Variants in AGPAT3 observed in about 807,000 individuals in gnomAD.
The protein encoded by AGPAT3 is 1-acyl-sn-glycerol-3-phosphate acyltransferase gamma.
In AGPAT3, 5 loss-of-function variants were observed where a neutral mutation model predicts 47.3. The observed-to-expected ratio is 0.11, with a 90% CI of 0.06 to 0.22. The LOEUF (loss-of-function observed/expected upper bound fraction) is 0.22, where lower values mean the gene tolerates loss of function less well. Among genes scored for constraint, AGPAT3 ranks in the 10% least tolerant of loss-of-function variants. AGPAT3 has a pLI of 1.00. For missense variants in AGPAT3, 315 were observed against 493.0 expected, an observed-to-expected ratio of 0.64 and a Z score of 3.42; for synonymous variants, 212 against 208.3, an observed-to-expected ratio of 1.02 and a Z score of -0.15.
intron 2 of AGPAT3, among the ~76,000 whole-genome samples, chr21:43,921,248 CT>C (rs1213545845): frequency 1.3e-5 from 2 of 152,214 alleles, no homozygotes; most frequent in Non-Finnish European, 2.9e-5. Context: ...CTGGACACTC[CT>C]GTGCCCTGGA....
At chr21:43,921,545 A>C (rs955768199) in intron 2 of AGPAT3, among the ~76,000 whole-genome samples, 8 of 152,086 alleles carry the variant, frequency 5.3e-5, no homozygotes, top group Non-Finnish European at 8.8e-5. Flanking sequence ...CTGATGCCGA[A>C]ATCCCCACCC....
intron 2 of AGPAT3, among the ~76,000 whole-genome samples, chr21:43,953,959 C>G (rs1342924480): frequency 1.3e-5 from 2 of 152,202 alleles, no homozygotes; most frequent in African/African-American, 4.8e-5. Flanking sequence ...GATGGCATCG[C>G]TGCCCTCCAG....
intron 1 of AGPAT3, among the ~76,000 whole-genome samples, chr21:43,902,267 T>C (rs1233271732): frequency 1.3e-5 from 2 of 152,202 alleles, no homozygotes; most frequent in African/African-American, 2.4e-5. Context: ...AAAGACAATA[T>C]TGGACACCTA....
At position 43,967,936 on chromosome 21, in the gene AGPAT3, C is replaced by T. The variant is rs1555911562; in HGVS notation, c.179-10C>T. The T allele has an allele frequency of 6.2e-7, 1 of 1,612,594 alleles. No individual in the cohort carries two copies. Among genetic ancestry groups the T allele is most frequent in the East Asian group, 2.2e-5 (1 of 44,852 alleles). On this transcript the variant is annotated splice_polypyrimidine_tract_variant and intron_variant, in intron 3 of 9. Transcript: ENST00000291572. ...TCCTACCAGTGCCAACGCCCTCCCC[C>T]TGTCCGCAGAACTGGTCATGCTGCT...
intron 1 of AGPAT3, among the ~76,000 whole-genome samples, chr21:43,877,167 T>C (rs1049068149): frequency 1.3e-5 from 2 of 152,002 alleles, no homozygotes; most frequent in Admixed American, 1.3e-4. Context: ...CCCACCAGTT[T>C]TAACAATTGC....
rs1014466102 is a variant in AGPAT3 at position 43,930,796 on chromosome 21, C to T, written c.-49+26777C>T. Among the ~76,000 whole-genome samples, 9 of 152,144 alleles carry T rather than the reference C, an allele frequency of 5.9e-5. No homozygotes were observed. The highest frequency in any genetic ancestry group is 2.2e-4 in the African/African-American group (9 of 41,524). ...GCAGGAGGTGGCTCCTCACGGTGGC[C>T]GGGGTGGCCCACGGCAGGCCAGTGT... On this transcript the variant is annotated intron_variant, in intron 2 of 9. Coordinates refer to ENST00000291572, the MANE Select transcript of AGPAT3 (RefSeq NM_020132.5). The surrounding 1 kb of genome is among the most constrained non-coding windows in gnomAD (Gnocchi z 5.0).
At chr21:43,867,879 GAA>G (rs2085542885) in intron 1 of AGPAT3, 1 of 151,908 alleles carries the variant, frequency 6.6e-6, no homozygotes, top group Admixed American at 6.6e-5. Context: ...TTGGTTAACC[GAA>G]GAGTGTTTGG....
At chr21:43,867,342 C>T (rs879644014) in intron 1 of AGPAT3, 1 of 152,254 alleles carries the variant, frequency 6.6e-6, no homozygotes, top group South Asian at 2.1e-4. Flanking sequence ...CTGGTCAAAT[C>T]AGAGGTAGGT....
At chr21:43,883,195 C>T (rs1009139905) in intron 1 of AGPAT3, among the ~76,000 whole-genome samples, 3 of 152,132 alleles carry the variant, frequency 2.0e-5, no homozygotes, top group African/African-American at 7.2e-5. Context: ...CTGTGGCTAC[C>T]GTGAGACTGA....
intron 2 of AGPAT3, among the ~76,000 whole-genome samples, chr21:43,941,851 G>A (rs76167757): frequency 2.0e-5 from 3 of 152,374 alleles, no homozygotes; most frequent in East Asian, 3.9e-4. Context: ...TTTCACAAAT[G>A]CTCAAAATGA....
intron 1 of AGPAT3, among the ~76,000 whole-genome samples, chr21:43,890,124 A>G (rs780486832): frequency 4.6e-5 from 7 of 152,074 alleles, no homozygotes; most frequent in Non-Finnish European, 7.4e-5. Flanking sequence ...GCCTGGTGGG[A>G]GGGGATCGGA....
intron 2 of AGPAT3, among the ~76,000 whole-genome samples, chr21:43,936,525 GGCA>G (rs2087454317): frequency 6.6e-6 from 1 of 152,206 alleles, no homozygotes; most frequent in African/African-American, 2.4e-5. Flanking sequence ...GGATTTCTCC[GGCA>G]GAGGAAGACA....
At chr21:43,926,663 T>C (rs1209346699) in intron 2 of AGPAT3, among the ~76,000 whole-genome samples, 1 of 65,504 alleles carries the variant, frequency 1.5e-5, no homozygotes, top group African/African-American at 5.5e-5. Context: ...TTTTTTTTTT[T>C]TTAATAAAAA....
At position 43,933,693 on chromosome 21, in the gene AGPAT3, G is replaced by A. The variant is rs1008037121; in HGVS notation, c.-48-25941G>A. Reference sequence around the variant, plus strand: ...TCGGCATGTAGCAGCAAATGTGGGAGGGGCAGCACAGGGGAAAGGTGAGGG... The same window carrying A: ...TCGGCATGTAGCAGCAAATGTGGGAAGGGCAGCACAGGGGAAAGGTGAGGG... On this transcript the variant is annotated intron_variant, in intron 2 of 9. Transcript: ENST00000291572. The surrounding 1 kb of genome is among the most constrained non-coding windows in gnomAD (Gnocchi z 6.0). 1.3e-5 allele frequency among the ~76,000 whole-genome samples: 2 copies of A among 151,964 alleles called. No individual in the cohort carries two copies. Among genetic ancestry groups the A allele is most frequent in the African/African-American group, 4.8e-5 (2 of 41,346 alleles).
intron 3 of AGPAT3, among the ~76,000 whole-genome samples, chr21:43,962,863 C>T (rs1328380145): frequency 6.7e-6 from 1 of 148,288 alleles, no homozygotes; most frequent in Admixed American, 6.8e-5. Context: ...TCAAGAATGA[C>T]AACGTAAACA....
At chr21:43,946,180 A>G (rs2087878448) in intron 2 of AGPAT3, among the ~76,000 whole-genome samples, 1 of 152,186 alleles carries the variant, frequency 6.6e-6, no homozygotes, top group Non-Finnish European at 1.5e-5. Flanking sequence ...GGGATGAAGC[A>G]AAGTCGAGAA....
At chr21:43,944,981 G>A (rs761056534) in intron 2 of AGPAT3, among the ~76,000 whole-genome samples, 14 of 152,340 alleles carry the variant, frequency 9.2e-5, no homozygotes, top group Non-Finnish European at 1.9e-4. Context: ...GTCCCTCGGG[G>A]TCTACCACTG....
intron 3 of AGPAT3, among the ~76,000 whole-genome samples, chr21:43,961,667 G>A (rs568094560): frequency 9.6e-5 from 14 of 146,550 alleles, no homozygotes; most frequent in South Asian, 2.2e-4. Context: ...TGTGGGAAAT[G>A]GTGAGCGCAT....
chr21:43,936,897 A>G (rs927122841), intron 2 of AGPAT3, among the ~76,000 whole-genome samples: 1 of 152,250 alleles, frequency 6.6e-6, no homozygotes, highest in African/African-American at 2.4e-5. Flanking sequence ...ATTTGTTAAA[A>G]TCTTCAAGAT....
Sources: gnomAD v4.1 joint callset for allele counts (sites outside exome capture counted in the v4.1 genomes callset) on GRCh38, gnomAD v4.1.1 for gene constraint, Gnocchi (gnomAD v3.1) non-coding constraint, MANE v1.5 for transcripts, NCBI Gene and HGNC (gene_info 2026-07-23, HGNC 2026-07-21) for gene names.